The following ESCO1 variants were observed in gnomAD, a reference collection of about 807,000 sequenced individuals.
The protein encoded by ESCO1 is establishment of sister chromatid cohesion N-acetyltransferase 1, also known as N-acetyltransferase ESCO1.
Under a neutral mutation model 83.5 loss-of-function variants are expected in ESCO1, and 33 were observed. That is an observed-to-expected ratio of 0.40 (90% CI 0.30 to 0.53). The LOEUF (loss-of-function observed/expected upper bound fraction) is 0.53. Among genes scored for constraint, ESCO1 ranks in the 20% least tolerant of loss-of-function variants. The pLI, the probability that ESCO1 is intolerant of heterozygous loss-of-function variation, is 0.63. For synonymous variants in ESCO1, 332 were observed against 324.3 expected, an observed-to-expected ratio of 1.02 and a Z score of -0.25; for missense variants, 855 against 968.0, an observed-to-expected ratio of 0.88 and a Z score of 1.55.
At chr18:21,584,141 A>G (rs2038541338) in intron 2 of ESCO1, among the ~76,000 whole-genome samples, 169 bp downstream of exon 2, 1 of 152,236 alleles carries the variant, frequency 6.6e-6, no homozygotes, top group Non-Finnish European at 1.5e-5. Flanking sequence ...GGAGTAGGAG[A>G]AAAGCTTACT....
chr18:21,535,392 C>CT (rs1225199079), intron 10 of ESCO1, among the ~76,000 whole-genome samples: 140 of 112,866 alleles, frequency 1.2e-3, no homozygotes, highest in African/African-American at 3.3e-3. Flanking sequence ...TTTTTTTTTT[C>CT]TTTTTTTTTT....
In ESCO1 at chr18:21,567,495, T is replaced by C. The variant is rs73427708; in HGVS notation, c.1645+485A>G. Among the ~76,000 whole-genome samples the C allele has an allele frequency of 8.0e-3, 1,215 of 151,930 alleles. 20 individuals are homozygous for C. Among genetic ancestry groups the C allele is most frequent in the African/African-American group, 0.028 (1,170 of 41,438 alleles). ...AATGTGTTATTAAAAAAAAAAAAGT[T>C]CACAAGGTTCCAAAACTAAAGCTTT... On this transcript the variant is annotated intron_variant, in intron 5 of 11. Transcript: ENST00000269214.
At chr18:21,581,781 G>C (rs964351273) in intron 2 of ESCO1, among the ~76,000 whole-genome samples, 4 of 152,120 alleles carry the variant, frequency 2.6e-5, no homozygotes, top group Non-Finnish European at 4.4e-5. Context: ...CTACTTCAGA[G>C]ATGAAGCAGG....
chr18:21,581,039 C>T (rs1438104622), intron 2 of ESCO1, among the ~76,000 whole-genome samples: 3 of 151,552 alleles, frequency 2.0e-5, no homozygotes, highest in Non-Finnish European at 4.4e-5. Context: ...AGGCCGGGTG[C>T]GGAGGCTCAC....
At chr18:21,577,688 C>T (rs1254806024) in intron 2 of ESCO1, among the ~76,000 whole-genome samples, 1 of 150,122 alleles carries the variant, frequency 6.7e-6, no homozygotes, top group Non-Finnish European at 1.5e-5. Context: ...AGCAGATATT[C>T]TCCCAGATTG....
At chr18:21,580,861 A>G (rs11661866) in intron 2 of ESCO1, among the ~76,000 whole-genome samples, 22,661 of 152,086 alleles carry the variant, frequency 0.15, 1,930 homozygotes, top group Middle Eastern at 0.27. Context: ...ATGGTGGTGC[A>G]TGTCTGTAAT....
At chr18:21,582,316 G>GCCT (rs2038514266) in intron 2 of ESCO1, among the ~76,000 whole-genome samples, 1 of 150,720 alleles carries the variant, frequency 6.6e-6, no homozygotes, top group African/African-American at 2.4e-5. Flanking sequence ...TGCATCCTCC[G>GCCT]CCTCCTGGGT....
chr18:21,558,916 A>C (rs2038147735), intron 8 of ESCO1, among the ~76,000 whole-genome samples: 1 of 152,144 alleles, frequency 6.6e-6, no homozygotes, highest in African/African-American at 2.4e-5. Context: ...CTAACAGATA[A>C]AATTGGCATT....
chr18:21,584,484 C>A (rs2146223758), intron 1 of ESCO1, 44 bp from the exon 2 acceptor site: 1 of 150,312 alleles, frequency 6.7e-6, no homozygotes, highest in East Asian at 1.9e-4. Flanking sequence ...TTAACTGATA[C>A]ATTAAAACAA....
At chr18:21,584,602 C>T (rs2038548142) in intron 1 of ESCO1, among the ~76,000 whole-genome samples, 162 bp from the exon 2 acceptor site, 1 of 151,998 alleles carries the variant, frequency 6.6e-6, no homozygotes, top group African/African-American at 2.4e-5. Flanking sequence ...TCAAGGATCG[C>T]TTGAGCCCAG....
intron 10 of ESCO1, among the ~76,000 whole-genome samples, chr18:21,532,972 GCCC>G (rs964862801): frequency 6.6e-6 from 1 of 151,986 alleles, no homozygotes; most frequent in African/African-American, 2.4e-5. Flanking sequence ...ATCATGAGGA[GCCC>G]CCCCAATAGG....
intron 1 of ESCO1, among the ~76,000 whole-genome samples, chr18:21,595,746 G>A (rs1268259931): frequency 3.4e-5 from 5 of 149,102 alleles, no homozygotes; most frequent in African/African-American, 5.0e-5. Flanking sequence ...GGGGGATCAC[G>A]AGGTCAGGAG....
chr18:21,534,514 A>G (rs1056133957), intron 10 of ESCO1, among the ~76,000 whole-genome samples: 6 of 152,228 alleles, frequency 3.9e-5, no homozygotes, highest in African/African-American at 1.4e-4. Context: ...AGTAACACTC[A>G]TAATGTAAAC....
At chr18:21,593,765 C>T (rs2038720591) in intron 1 of ESCO1, among the ~76,000 whole-genome samples, 1 of 151,066 alleles carries the variant, frequency 6.6e-6, no homozygotes. Context: ...TTGTCAAATT[C>T]ATAACTCCTT....
At chr18:21,554,948 T>G (rs2038093778) in intron 8 of ESCO1, among the ~76,000 whole-genome samples, 1 of 151,608 alleles carries the variant, frequency 6.6e-6, no homozygotes, top group Non-Finnish European at 1.5e-5. Context: ...ATAAAAAAAT[T>G]AGCCAGGTGT....
rs996060106 is a variant in ESCO1 at position 21,529,772 on chromosome 18, T to C, written c.*571A>G. Reference sequence around the variant, plus strand: ...AAAAAAAAGCTCAATATTCTAATTCTTCCTATTTAGCTGGAGCTTTCCTTT... The same window carrying C: ...AAAAAAAAGCTCAATATTCTAATTCCTCCTATTTAGCTGGAGCTTTCCTTT... On this transcript the variant is annotated 3_prime_UTR_variant, in exon 12 of 12. Coordinates refer to ENST00000269214, the MANE Select transcript of ESCO1 (RefSeq NM_052911.3). 6 of 152,300 alleles carry C rather than the reference T, an allele frequency of 3.9e-5. No individual in the cohort carries two copies. Among genetic ancestry groups the C allele is most frequent in the Non-Finnish European group, 8.8e-5 (6 of 68,040 alleles). The allele number at this position is 152,300 out of a possible 1,614,324, so 9.4% of individuals were successfully genotyped here. A position where few individuals can be genotyped will look rare whatever the true frequency, so the allele number is the denominator to read the frequency against.
rs771499414 is a variant in ESCO1, at chr18:21,539,967, T to G, written c.1996A>C (p.Arg666=). 1 of 1,613,762 alleles carries G rather than the reference T, an allele frequency of 6.2e-7. No individual in the cohort carries two copies. Among genetic ancestry groups the G allele is most frequent in the South Asian group, 1.1e-5 (1 of 91,010 alleles). ...ERILAEYPDG[R]IIMVLPEDPK... is the part of the protein sequence containing the mutation. ...TCTTCAGGAAGAACCATTATTATCC[T>G]GCCATCAGGGTATTCAGCCAGAATT... is the stretch of plus-strand genomic sequence containing the variant. Residue 666 remains arginine (R), a synonymous_variant, in exon 9 of 12, where the codon AGG becomes CGG. Transcript: ENST00000269214.
chr18:21,587,638 T>C (rs553524041), intron 1 of ESCO1, among the ~76,000 whole-genome samples: 2 of 152,230 alleles, frequency 1.3e-5, no homozygotes, highest in South Asian at 4.1e-4. Context: ...AAAAACTTTT[T>C]TAAAAAAGAT....
chr18:21,573,144 G>A (rs2038362943), intron 4 of ESCO1, among the ~76,000 whole-genome samples, 170 bp downstream of exon 4: 1 of 152,184 alleles, frequency 6.6e-6, no homozygotes, highest in Non-Finnish European at 1.5e-5. Flanking sequence ...TGAGACATCT[G>A]AAGTTCTATC....
Sources: gnomAD v4.1 joint callset for allele counts (sites outside exome capture counted in the v4.1 genomes callset) on GRCh38, gnomAD v4.1.1 for gene constraint, MANE v1.5 for transcripts, NCBI Gene and HGNC (gene_info 2026-07-23, HGNC 2026-07-21) for gene names.